The following ACSL3 variants were observed in gnomAD, a reference collection of about 807,000 sequenced individuals.
ACSL3 encodes the protein fatty acid CoA ligase Acsl3.
Under a neutral mutation model 84.7 loss-of-function variants are expected in ACSL3, and 34 were observed. That is an observed-to-expected ratio of 0.40 (90% CI 0.31 to 0.53). The LOEUF is 0.53. ACSL3 is among the 20% of genes least tolerant of loss of function. The pLI is 0.48. For missense variants in ACSL3, 680 were observed against 873.1 expected (o/e 0.78, Z 2.79); for synonymous variants, 315 against 299.4 (o/e 1.05, Z -0.54).
intron 16 of ACSL3, among the ~76,000 whole-genome samples, chr2:222,940,267 A>G (rs1437287564): frequency 6.6e-6 from 1 of 152,204 alleles, no homozygotes; most frequent in Non-Finnish European, 1.5e-5. Flanking sequence ...AATTTGTCTT[A>G]AACTTTATTA....
intron 16 of ACSL3, among the ~76,000 whole-genome samples, chr2:222,939,291 T>C (rs938940698): frequency 2.0e-5 from 3 of 152,214 alleles, no homozygotes; most frequent in African/African-American, 7.2e-5. Context: ...CTACGGATTC[T>C]AGAGCCAGCC....
intron 1 of ACSL3, among the ~76,000 whole-genome samples, chr2:222,878,602 A>G (rs1049034717): frequency 1.3e-5 from 2 of 152,134 alleles, no homozygotes; most frequent in African/African-American, 2.4e-5. Flanking sequence ...TCTGTGTTCT[A>G]TGAATAGAGT....
chr2:222,866,246 C>T (rs931365908), intron 1 of ACSL3, among the ~76,000 whole-genome samples: 1 of 151,900 alleles, frequency 6.6e-6, no homozygotes, highest in East Asian at 1.9e-4. Flanking sequence ...CCCGGGTTCA[C>T]GCCATTCTCC....
chr2:222,864,733 G>A (rs1695096221), intron 1 of ACSL3, among the ~76,000 whole-genome samples: 1 of 152,122 alleles, frequency 6.6e-6, no homozygotes, highest in Non-Finnish European at 1.5e-5. Flanking sequence ...AGAGGGAGTG[G>A]TTGAATATAG....
intron 5 of ACSL3, chr2:222,917,378 C>G (rs1175446988): frequency 6.6e-6 from 1 of 152,198 alleles, no homozygotes; most frequent in African/African-American, 2.4e-5. Context: ...CGTGAGCCAC[C>G]GTGCTAGGCC....
At chr2:222,890,304 G>A (rs561862954) in intron 2 of ACSL3, among the ~76,000 whole-genome samples, 1 of 152,290 alleles carries the variant, frequency 6.6e-6, no homozygotes, top group Non-Finnish European at 1.5e-5. Context: ...TAATCTTACT[G>A]AATGATATAT....
At chr2:222,930,280 TTC>T (rs1696990646) in intron 13 of ACSL3, among the ~76,000 whole-genome samples, 2 of 152,222 alleles carry the variant, frequency 1.3e-5, no homozygotes, top group African/African-American at 4.8e-5. Flanking sequence ...GACTTAATAC[TTC>T]TGTCAGTTTA....
rs899682916 is a variant in ACSL3 at position 222,943,926 on chromosome 2, A to T, written c.*2272A>T. 5 of 152,126 alleles carry T rather than the reference A, an allele frequency of 3.3e-5. No homozygotes were observed. Among genetic ancestry groups the T allele is most frequent in the Admixed American group, 2.6e-4 (4 of 15,272 alleles). The allele number at this position is 152,126 out of a possible 1,614,324, so 9.4% of individuals were successfully genotyped here. A position where few individuals can be genotyped will look rare whatever the true frequency, so the allele number is the denominator to read the frequency against. On this transcript the variant is annotated 3_prime_UTR_variant, in exon 17 of 17. Transcript: ENST00000357430. ...ACAAATATCTGACAATAAGATACAG[A>T]TCTAAAAGAATGGTTCTTAAGAACT...
chr2:222,933,150 T>C lies in ACSL3; in HGVS notation c.1733-16T>C, dbSNP rs571063123. On this transcript the variant is annotated splice_polypyrimidine_tract_variant and intron_variant, in intron 14 of 16. Transcript: ENST00000357430. ...TACTCATTGTTTTCCCCTCTCCACC[T>C]TTCTTTGTTTTGCAGATCGTAAAAA... 1 of 1,536,698 alleles carries C rather than the reference T, an allele frequency of 6.5e-7. No homozygotes were observed. The highest frequency in any genetic ancestry group is 1.7e-5 in the Admixed American group (1 of 59,346).
chr2:222,916,043 G>C (rs550424904), intron 4 of ACSL3, among the ~76,000 whole-genome samples: 2 of 151,964 alleles, frequency 1.3e-5, no homozygotes, highest in African/African-American at 4.8e-5. Flanking sequence ...TGACCTTTAC[G>C]AGCCTATCAA....
In ACSL3 at chr2:222,869,417, T is replaced by G. The variant is rs149630894; in HGVS notation, c.-207+8159T>G. ...CCCTATGTATATTCTTTCTTCCTCT[T>G]TATCCCTTCTCTGCCCTTCACAAGT... On this transcript the variant is annotated intron_variant, in intron 1 of 16. Coordinates refer to ENST00000357430, the MANE Select transcript of ACSL3 (RefSeq NM_004457.5). 7.6e-4 allele frequency among the ~76,000 whole-genome samples: 116 copies of G among 152,314 alleles called. 1 individual carries two copies. Among genetic ancestry groups the G allele is most frequent in the Middle Eastern group, 6.8e-3 (2 of 294 alleles).
intron 1 of ACSL3, among the ~76,000 whole-genome samples, chr2:222,861,963 C>G (rs1048730754): frequency 8.6e-5 from 13 of 151,958 alleles, no homozygotes; most frequent in African/African-American, 3.1e-4. Flanking sequence ...ATGAGGAGCC[C>G]GAGGCACAGG....
chr2:222,927,975 A>G (rs1410251781), intron 12 of ACSL3, among the ~76,000 whole-genome samples: 3 of 152,206 alleles, frequency 2.0e-5, no homozygotes, highest in Non-Finnish European at 4.4e-5. Context: ...GAAATAAGCA[A>G]TCTTAAATAC....
At chr2:222,869,708 G>A (rs1236475600) in intron 1 of ACSL3, among the ~76,000 whole-genome samples, 2 of 152,156 alleles carry the variant, frequency 1.3e-5, no homozygotes, top group East Asian at 3.9e-4. Context: ...AGAAAGATTT[G>A]TGAGGAAGGT....
At chr2:222,937,770 G>T (rs773000986) in intron 16 of ACSL3, among the ~76,000 whole-genome samples, 1 of 151,960 alleles carries the variant, frequency 6.6e-6, no homozygotes, top group Non-Finnish European at 1.5e-5. Context: ...TCTTTTAATT[G>T]GGCATTTAAT....
At chr2:222,933,412 C>T in intron 15 of ACSL3, 132 bp downstream of exon 15, 1 of 595,432 alleles carries the variant, frequency 1.7e-6, no homozygotes, top group Non-Finnish European at 2.9e-6. Context: ...GAATGGCCTC[C>T]TTCTCATTGC....
At chr2:222,876,698 C>T (rs2106089503) in intron 1 of ACSL3, among the ~76,000 whole-genome samples, 1 of 151,870 alleles carries the variant, frequency 6.6e-6, no homozygotes, top group East Asian at 1.9e-4. Flanking sequence ...TAAAAGTATA[C>T]ATTTATTCAT....
intron 11 of ACSL3, 97 bp downstream of exon 11, chr2:222,924,692 G>T: frequency 7.7e-7 from 1 of 1,290,668 alleles, no homozygotes; most frequent in African/African-American, 1.6e-5. Flanking sequence ...TTATAAGAAA[G>T]AAATATATTT....
chr2:222,863,804 A>C (rs2106076751), intron 1 of ACSL3, among the ~76,000 whole-genome samples: 2 of 152,310 alleles, frequency 1.3e-5, no homozygotes, highest in South Asian at 2.1e-4. Context: ...TCAGTTGAAC[A>C]TGTATGAAGC....
Sources: allele counts gnomAD v4.1 joint callset (sites outside exome capture counted in the v4.1 genomes callset), GRCh38; gene constraint gnomAD v4.1.1; transcripts MANE v1.5; gene names NCBI Gene and HGNC (gene_info 2026-07-23, HGNC 2026-07-21).